HNF1B: variants seen among roughly 807,000 people sequenced by gnomAD.
HNF1B encodes HNF1 homeobox B, also known as hepatocyte nuclear factor 1-beta.
A neutral mutation model predicts 61.7 loss-of-function variants in HNF1B; 8 were observed. The observed-to-expected ratio is 0.13, with a 90% CI of 0.08 to 0.23. The LOEUF is 0.23. Ranked by LOEUF, HNF1B falls within the 10% of genes least tolerant of loss-of-function variation. The probability of loss-of-function intolerance (pLI) is 1.00; values close to 1 mark genes in which losing one functional copy is unlikely to be tolerated. For synonymous variants in HNF1B, 314 were observed against 287.7 expected (o/e 1.09, Z -0.93); for missense variants, 562 against 714.5 (o/e 0.79, Z 2.43).
chr17:37,713,614 G>T (rs1451580809), intron 4 of HNF1B, among the ~76,000 whole-genome samples: 1 of 152,178 alleles, frequency 6.6e-6, no homozygotes, highest in African/African-American at 2.4e-5. Context: ...ATAGAGGCTC[G>T]GCTGGAAACT....
chr17:37,691,347 G>A (rs1346256741), intron 8 of HNF1B, among the ~76,000 whole-genome samples: 1 of 152,128 alleles, frequency 6.6e-6, no homozygotes, highest in Non-Finnish European at 1.5e-5. Flanking sequence ...TTATAATTCC[G>A]GTTTTACAGA....
intron 3 of HNF1B, among the ~76,000 whole-genome samples, chr17:37,732,343 T>C (rs1049994228): frequency 6.6e-6 from 1 of 152,134 alleles, no homozygotes; most frequent in African/African-American, 2.4e-5. Context: ...GCAGGGTGCA[T>C]TGAGATGGCC....
intron 2 of HNF1B, among the ~76,000 whole-genome samples, chr17:37,734,487 C>T (rs1372945860): frequency 6.6e-6 from 1 of 152,192 alleles, no homozygotes; most frequent in Non-Finnish European, 1.5e-5. Flanking sequence ...CCTGTCTGTC[C>T]AATTCCTTGA....
At chr17:37,704,296 C>T (rs150050399) in intron 6 of HNF1B, among the ~76,000 whole-genome samples, 1 of 152,192 alleles carries the variant, frequency 6.6e-6, no homozygotes, top group Non-Finnish European at 1.5e-5. Flanking sequence ...TGTCTTCAGG[C>T]GTGTGATGTG....
At chr17:37,698,045 CAAAGGAA>C (rs1398955691) in intron 8 of HNF1B, among the ~76,000 whole-genome samples, 1 of 83,710 alleles carries the variant, frequency 1.2e-5, no homozygotes, top group Non-Finnish European at 3.1e-5. Context: ...GAGATCGGGG[CAAAGGAA>C]AGGATAGAGA....
At chr17:37,700,345 T>G (rs1469056766) in intron 7 of HNF1B, among the ~76,000 whole-genome samples, 1 of 152,122 alleles carries the variant, frequency 6.6e-6, no homozygotes, top group Non-Finnish European at 1.5e-5. Flanking sequence ...AAGGTAGGCT[T>G]GGGGTAGGTA....
chr17:37,711,969 T>C (rs2032948977), intron 4 of HNF1B, among the ~76,000 whole-genome samples: 1 of 152,106 alleles, frequency 6.6e-6, no homozygotes, highest in African/African-American at 2.4e-5. Context: ...ATAATCTGCC[T>C]CTAATTCACC....
At chr17:37,689,146 CAAAAAAAAA>C (rs71368464) in intron 8 of HNF1B, among the ~76,000 whole-genome samples, 3 of 62,406 alleles carry the variant, frequency 4.8e-5, no homozygotes, top group East Asian at 4.5e-4. Context: ...CTTGGTCTCA[CAAAAAAAAA>C]AAAAAAAAAA....
At chr17:37,712,065 T>C (rs1265521440) in intron 4 of HNF1B, among the ~76,000 whole-genome samples, 1 of 152,220 alleles carries the variant, frequency 6.6e-6, no homozygotes, top group Admixed American at 6.5e-5. Context: ...AAGGCCGATA[T>C]GACCTAGAGC....
intron 4 of HNF1B, among the ~76,000 whole-genome samples, chr17:37,716,883 T>G (rs1326168210): frequency 7.5e-6 from 1 of 133,144 alleles, no homozygotes; most frequent in African/African-American, 2.9e-5. Context: ...TCTCTCTCTC[T>G]CTCTGCCATA....
intron 8 of HNF1B, among the ~76,000 whole-genome samples, chr17:37,694,418 C>A (rs2032305543): frequency 9.0e-6 from 1 of 110,598 alleles, no homozygotes; most frequent in Non-Finnish European, 1.9e-5. Flanking sequence ...AAGAGCAAAA[C>A]TCCATCCCCC....
intron 6 of HNF1B, 129 bp from the exon 7 acceptor site, chr17:37,701,306 G>A (rs2032563888): frequency 1.2e-6 from 1 of 838,656 alleles, no homozygotes; most frequent in Admixed American, 2.0e-5. Context: ...AGATTCCATG[G>A]GAGGCAAGTG....
intron 5 of HNF1B, among the ~76,000 whole-genome samples, chr17:37,709,247 GTTA>G (rs901581294): frequency 6.6e-6 from 1 of 152,018 alleles, no homozygotes; most frequent in African/African-American, 2.4e-5. Flanking sequence ...TTATTTTATT[GTTA>G]TTATTAATTA....
In HNF1B at chr17:37,699,098, G is replaced by A. The variant is rs185404250; in HGVS notation, c.1631C>T (p.Thr544Ile). 2 of 1,613,696 alleles carry A rather than the reference G, an allele frequency of 1.2e-6. No homozygotes were observed. Among genetic ancestry groups the A allele is most frequent in the African/African-American group, 1.3e-5 (1 of 75,020 alleles). Residue 544 changes from threonine (T) to isoleucine (I), a missense_variant, in exon 8 of 9, where the codon ACC becomes ATC. Thr to Ile is a moderately conservative substitution (Grantham distance 89, BLOSUM62 -1). Coordinates refer to ENST00000617811, the MANE Select transcript of HNF1B (RefSeq NM_000458.4). ...VTDTSSISTL[T>I]NMSSSKQCPL... Reference sequence around the variant, plus strand: ...TACCTGTTTACTTGAAGACATGTTGGTGAGTGTACTGATGCTGCTGGTATC... The same window carrying A: ...TACCTGTTTACTTGAAGACATGTTGATGAGTGTACTGATGCTGCTGGTATC...
rs375331893 is a variant in HNF1B at position 37,744,864 on chromosome 17, C to T, written c.21G>A (p.Ser7=). 1 of 1,582,226 alleles carries T rather than the reference C, an allele frequency of 6.3e-7. No homozygotes were observed. Among genetic ancestry groups the T allele is most frequent in the African/African-American group, 1.4e-5 (1 of 70,252 alleles). The change falls in exon 1 of 9, where the codon TCG becomes TCA. Residue 7 remains serine (S), a synonymous_variant. Coordinates refer to ENST00000617811, the MANE Select transcript of HNF1B (RefSeq NM_000458.4). ...GGGCGCTCAGGAGTTCTTGCTGGAG[C>T]GACGTGAGCTTGGACACCATTTTCC... MVSKLT[S]LQQELLSALL...
At chr17:37,731,276 A>G (rs2033672544) in intron 4 of HNF1B, 2 of 508,272 alleles carry the variant, frequency 3.9e-6, no homozygotes, top group Non-Finnish European at 7.2e-6. Context: ...TGGCCCACCC[A>G]TAAGGCAGCC....
In HNF1B at chr17:37,723,043, T is replaced by C. The variant is rs948937167; in HGVS notation, c.1045+8552A>G. Among the ~76,000 whole-genome samples, 3 of 151,952 alleles carry C rather than the reference T, an allele frequency of 2.0e-5. No homozygotes were observed. The South Asian group carries it at 6.2e-4, about 32-fold the overall frequency. The stretch of plus-strand genomic sequence containing the variant: ...AGAGGAGTACTCACACCTCCTTTAA[T>C]TAAAAAAGAAAAATGGCCGGGCGCG... On this transcript the variant is annotated intron_variant, in intron 4 of 8. Coordinates refer to ENST00000617811, the MANE Select transcript of HNF1B (RefSeq NM_000458.4).
intron 8 of HNF1B, among the ~76,000 whole-genome samples, chr17:37,693,189 CAAAAAAA>C (rs11464180): frequency 0.072 from 3,431 of 47,808 alleles, 59 homozygotes; most frequent in African/African-American, 0.13. Flanking sequence ...GATTCCATCT[CAAAAAAA>C]AAAAAAAAAA....
chr17:37,694,105 G>A (rs573076636), intron 8 of HNF1B, among the ~76,000 whole-genome samples: 10 of 152,156 alleles, frequency 6.6e-5, no homozygotes, highest in African/African-American at 2.4e-4. Flanking sequence ...ACAAAAAACT[G>A]GTCCTGGGAG....
Sources: gnomAD v4.1 joint callset for allele counts (sites outside exome capture counted in the v4.1 genomes callset) on GRCh38, gnomAD v4.1.1 for gene constraint, MANE v1.5 for transcripts, NCBI Gene and HGNC (gene_info 2026-07-23, HGNC 2026-07-21) for gene names.